Variants in PCDHA3 observed in about 807,000 individuals in gnomAD.
PCDHA3 encodes the protein protocadherin alpha-3.
In PCDHA3, 41 loss-of-function variants were observed where a neutral mutation model predicts 62.2. That is an observed-to-expected ratio of 0.66 (90% CI 0.51 to 0.86). The LOEUF (loss-of-function observed/expected upper bound fraction) is 0.86. Among genes scored for constraint, PCDHA3 ranks in the 40% least tolerant of loss-of-function variants. PCDHA3 has a pLI of 0.00. For missense variants in PCDHA3, 1,304 were observed against 1,241.2 expected, an observed-to-expected ratio of 1.05 and a Z score of -0.76; for synonymous variants, 640 against 555.4, an observed-to-expected ratio of 1.15 and a Z score of -2.14.
intron 1 of PCDHA3, chr5:140,856,684 A>G (rs1554148977): frequency 1.3e-6 from 2 of 1,597,646 alleles, no homozygotes; most frequent in Admixed American, 1.7e-5. Context: ...TGTTGTTGAC[A>G]GCAACTGATG....
intron 1 of PCDHA3, among the ~76,000 whole-genome samples, chr5:140,889,644 C>A (rs2062317759): frequency 6.6e-6 from 1 of 151,938 alleles, no homozygotes; most frequent in African/African-American, 2.4e-5. Flanking sequence ...TTTGTGTTTG[C>A]AGGAGATGTC....
At chr5:140,942,109 A>G (rs534603504) in intron 1 of PCDHA3, among the ~76,000 whole-genome samples, 55 of 152,334 alleles carry the variant, frequency 3.6e-4, no homozygotes, top group African/African-American at 1.3e-3. Flanking sequence ...CATATAATCA[A>G]ACTTTATTAA....
At chr5:140,951,448 G>A (rs892144078) in intron 1 of PCDHA3, among the ~76,000 whole-genome samples, 74 of 152,022 alleles carry the variant, frequency 4.9e-4, no homozygotes, top group African/African-American at 1.7e-3. Context: ...GCATGATGCC[G>A]GCCATCTGCT....
At chr5:140,960,179 G>A (rs1379423809) in intron 1 of PCDHA3, among the ~76,000 whole-genome samples, 1 of 152,106 alleles carries the variant, frequency 6.6e-6, no homozygotes, top group Non-Finnish European at 1.5e-5. Flanking sequence ...TAAGTTAGGG[G>A]TTGCATGTGT....
In PCDHA3 at chr5:140,982,550, C is replaced by T. The variant is rs1554244485; in HGVS notation, c.2529C>T (p.Ser843=). ...CTGATCAGCAGTGGCCAACAGTATC[C>T]AGTGCAACACCAGGTAAAGAGCTGG... The part of the protein sequence containing the change: ...GGPDQQWPTV[S]SATPEPEAGE... The change falls in exon 3 of 4, where the codon TCC becomes TCT. Residue 843 remains serine, a synonymous_variant. Transcript: ENST00000522353. The T allele has an allele frequency of 6.2e-7, 1 of 1,614,176 alleles. No homozygotes were observed. The highest frequency in any genetic ancestry group is 1.7e-5 in the Admixed American group (1 of 60,028).
chr5:140,828,122 A>T, intron 1 of PCDHA3: 2 of 1,612,976 alleles, frequency 1.2e-6, no homozygotes. Context: ...TAGATTGGGA[A>T]AGCAATGTCT....
In PCDHA3 at chr5:140,928,550, C is replaced by T. The variant is rs781857799; in HGVS notation, c.2395-50399C>T. The T allele has an allele frequency of 3.7e-6, 6 of 1,614,160 alleles. No individual in the cohort carries two copies. Among genetic ancestry groups the T allele is most frequent in the South Asian group, 3.3e-5 (3 of 91,084 alleles). On this transcript the variant is annotated intron_variant, in intron 1 of 3. Transcript: ENST00000522353. ...GTGGTAGATAGGAATGACAATTATC[C>T]GGTTATCTTGTTTCCCTTGCCCAGA...
Position 140,803,240 on chromosome 5 carries a change from G to A in PCDHA3, c.2043G>A (p.Gln681=), listed in dbSNP as rs1309162593. ...ESGQAPKASS[Q]ASAGATGPEA... is the part of the protein sequence containing the mutation. ...GCCAGGCACCCAAGGCCTCGTCCCA[G>A]GCGTCCGCTGGCGCCACGGGCCCGG... The change falls in exon 1 of 4, where the codon CAG becomes CAA. Residue 681 remains glutamine (Q), a synonymous_variant. Coordinates refer to ENST00000522353, the MANE Select transcript of PCDHA3 (RefSeq NM_018906.3). The A allele has an allele frequency of 6.2e-7, 1 of 1,613,682 alleles. No individual in the cohort carries two copies. Among genetic ancestry groups the A allele is most frequent in the African/African-American group, 1.3e-5 (1 of 74,946 alleles).
intron 1 of PCDHA3, chr5:140,829,375 G>A (rs1770260995): frequency 2.5e-6 from 4 of 1,614,026 alleles, no homozygotes; most frequent in East Asian, 2.2e-5. Flanking sequence ...TAACCGCGCG[G>A]GACGGGGGCT....
At chr5:140,927,915 C>T (rs200890211) in intron 1 of PCDHA3, 7 of 1,614,120 alleles carry the variant, frequency 4.3e-6, no homozygotes, top group Admixed American at 3.3e-5. Context: ...CCGAACTGGA[C>T]TTCCTGACTC....
At chr5:140,924,697 C>A (rs1443260109) in intron 1 of PCDHA3, among the ~76,000 whole-genome samples, 5 of 151,946 alleles carry the variant, frequency 3.3e-5, no homozygotes, top group Admixed American at 2.6e-4. Context: ...GAGTTCGAGA[C>A]CAGCTTGTGC....
At chr5:140,808,627 G>A (rs1206477664) in intron 1 of PCDHA3, 13 of 1,613,504 alleles carry the variant, frequency 8.1e-6, no homozygotes, top group East Asian at 2.2e-5. Flanking sequence ...TGTCTGCGTG[G>A]GACGCGGACG....
In PCDHA3 at chr5:140,807,332, G is replaced by T. The variant is rs782649273; in HGVS notation, c.2394+3741G>T. Reference sequence around the variant, plus strand: ...ACACGGCACCTTCGTGGGCCGCATCGCGCAGGACCTGGGACTGGAGCTGGC... The same window carrying T: ...ACACGGCACCTTCGTGGGCCGCATCTCGCAGGACCTGGGACTGGAGCTGGC... On this transcript the variant is annotated intron_variant, in intron 1 of 3. Transcript: ENST00000522353. The T allele has an allele frequency of 1.5e-5, 24 of 1,613,480 alleles. No homozygotes were observed. In the African/African-American group the frequency reaches 2.9e-4, roughly 20 times the overall value.
Position 140,802,994 on chromosome 5 carries a change from A to T in PCDHA3, c.1797A>T (p.Ala599=), listed in dbSNP as rs782332200. 6.2e-7 allele frequency: 1 copy of T among 1,613,898 alleles called. No individual in the cohort carries two copies. The highest frequency in any genetic ancestry group is 1.7e-5 in the Admixed American group (1 of 59,996). The change falls in exon 1 of 4, where the codon GCA becomes GCT. Residue 599 remains alanine (A), a synonymous_variant. Coordinates refer to ENST00000522353, the MANE Select transcript of PCDHA3 (RefSeq NM_018906.3). The part of the protein sequence containing the change: ...HVVAKVRAVD[A]DSGYNAWLSY... ...TAGCGAAGGTGCGCGCAGTGGATGC[A>T]GACTCAGGCTACAACGCGTGGCTTT...
intron 3 of PCDHA3, among the ~76,000 whole-genome samples, chr5:141,008,578 C>T (rs1185736158): frequency 6.6e-6 from 1 of 152,202 alleles, no homozygotes; most frequent in Non-Finnish European, 1.5e-5. Context: ...TTTCCCAAGA[C>T]TCAGGGCAGA....
chr5:140,810,014 C>T (rs1474813044), intron 1 of PCDHA3: 2 of 155,844 alleles, frequency 1.3e-5, no homozygotes, highest in Non-Finnish European at 2.8e-5. Context: ...ATTTTTCCTC[C>T]AGTGTAACCG....
At chr5:140,956,594 T>C (rs2095295015) in intron 1 of PCDHA3, among the ~76,000 whole-genome samples, 1 of 152,210 alleles carries the variant, frequency 6.6e-6, no homozygotes, top group Non-Finnish European at 1.5e-5. Flanking sequence ...TTATCAGGGA[T>C]ATCAGCTGGA....
intron 1 of PCDHA3, chr5:140,850,322 C>T (rs2150479524): frequency 2.5e-6 from 4 of 1,597,492 alleles, no homozygotes; most frequent in Non-Finnish European, 3.4e-6. Flanking sequence ...GGCTTTCATA[C>T]GAGCTGCAGC....
At chr5:140,991,409 T>C (rs1554252146) in intron 3 of PCDHA3, among the ~76,000 whole-genome samples, 2 of 152,232 alleles carry the variant, frequency 1.3e-5, no homozygotes, top group Non-Finnish European at 1.5e-5. Flanking sequence ...TTTCCCATTA[T>C]GCTATAACAA....
Sources: allele counts gnomAD v4.1 joint callset (sites outside exome capture counted in the v4.1 genomes callset), GRCh38; gene constraint gnomAD v4.1.1; transcripts MANE v1.5; gene names NCBI Gene and HGNC (gene_info 2026-07-23, HGNC 2026-07-21).